Variants in BOLL observed in about 807,000 individuals in gnomAD.
BOLL encodes boule RNA binding protein, also known as protein boule-like.
A neutral mutation model predicts 44.4 loss-of-function variants in BOLL; 23 were observed. The observed-to-expected ratio is 0.52, with a 90% CI of 0.37 to 0.73. The LOEUF is 0.73. Ranked by LOEUF, BOLL falls within the 30% of genes least tolerant of loss-of-function variation. The pLI is 0.00. For synonymous variants in BOLL, 97 were observed against 110.8 expected (o/e 0.88, Z 0.78); for missense variants, 287 against 338.3 (o/e 0.85, Z 1.19).
At chr2:197,756,648 T>C (rs1007907466) in intron 8 of BOLL, 92 bp from the exon 9 acceptor site, 9 of 1,278,878 alleles carry the variant, frequency 7.0e-6, no homozygotes, top group African/African-American at 1.5e-5. Flanking sequence ...AAGTACTTGT[T>C]TTTTATTTTA....
chr2:197,756,633 G>A (rs1221285335), intron 8 of BOLL, 77 bp from the exon 9 acceptor site: 3 of 1,347,668 alleles, frequency 2.2e-6, no homozygotes, highest in Non-Finnish European at 3.0e-6. Context: ...GCCAACAGAT[G>A]AGAGAAGTAC....
intron 2 of BOLL, among the ~76,000 whole-genome samples, chr2:197,779,364 A>G (rs1021447599): frequency 3.3e-5 from 5 of 152,020 alleles, no homozygotes; most frequent in Non-Finnish European, 7.4e-5. Flanking sequence ...CTAGCTGGCC[A>G]GTTTTTAAAA....
In BOLL at chr2:197,728,536, A is replaced by C. The variant is rs74375706; in HGVS notation, c.*19T>G. On this transcript the variant is annotated 3_prime_UTR_variant, in exon 11 of 11. Coordinates refer to ENST00000392296, the MANE Select transcript of BOLL (RefSeq NM_033030.6). Reference sequence around the variant, plus strand: ...TGGACAAGAAATCAGTTGAGCTGGAATAGAGCTGCCCAATTGTCTTAATAA... The same window carrying C: ...TGGACAAGAAATCAGTTGAGCTGGACTAGAGCTGCCCAATTGTCTTAATAA... The C allele has an allele frequency of 1.5e-3, 2,411 of 1,614,080 alleles. 35 individuals are homozygous for C. The African/African-American group carries it at 0.024, about 16-fold the overall frequency.
At chr2:197,762,455 T>G (rs1345391783) in intron 7 of BOLL, among the ~76,000 whole-genome samples, 1 of 152,138 alleles carries the variant, frequency 6.6e-6, no homozygotes, top group Non-Finnish European at 1.5e-5. Context: ...CAGAATATAC[T>G]TTCTTTTCAT....
chr2:197,763,375 G>A (rs886750097), intron 7 of BOLL, among the ~76,000 whole-genome samples: 3 of 151,314 alleles, frequency 2.0e-5, no homozygotes, highest in Admixed American at 1.3e-4. Context: ...CCAGCTACTC[G>A]GAAGGCTGAG....
In BOLL at chr2:197,785,201, C is replaced by A. The variant is rs528152354; in HGVS notation, c.-161G>T. The A allele has an allele frequency of 1.0e-6, 1 of 985,958 alleles. No individual in the cohort carries two copies. Among genetic ancestry groups the A allele is most frequent in the African/African-American group, 1.7e-5 (1 of 57,370 alleles). 61.1% of individuals were successfully genotyped at this position (985,958 alleles called of 1,614,324 possible). A position where few individuals can be genotyped will look rare whatever the true frequency, so the allele number is the denominator to read the frequency against. On this transcript the variant is annotated 5_prime_UTR_variant, in exon 1 of 11. Coordinates refer to ENST00000392296, the MANE Select transcript of BOLL (RefSeq NM_033030.6). The surrounding 1 kb of genome is among the most constrained non-coding windows in gnomAD (Gnocchi z 6.7). Reference sequence around the variant, plus strand: ...GAAACGAGGATCCACCCCCTCCCCACCAAAGTGCGGGAGGGAAAAGAAGGC... The same window carrying A: ...GAAACGAGGATCCACCCCCTCCCCAACAAAGTGCGGGAGGGAAAAGAAGGC...
chr2:197,757,369 T>C lies in BOLL; in HGVS notation c.584A>G (p.Gln195Arg). The C allele has an allele frequency of 6.2e-7, 1 of 1,610,584 alleles. No homozygotes were observed. ...AACATTTACCTGAGGAACACTCCAC[T>C]GCCACTGTCCTGGTAAATACTGTGT... Reference protein sequence around the residue: ...ATTQYLPGQWQWSVPQPSASS... With the variant: ...ATTQYLPGQWRWSVPQPSASS... The change falls in exon 8 of 11, where the codon CAG (glutamine) becomes CGG (arginine). Residue 195 changes from glutamine to arginine, a missense_variant. Coordinates refer to ENST00000392296, the MANE Select transcript of BOLL (RefSeq NM_033030.6).
chr2:197,728,536 A>G lies in BOLL; in HGVS notation c.*19T>C, dbSNP rs74375706. On this transcript the variant is annotated 3_prime_UTR_variant, in exon 11 of 11. Coordinates refer to ENST00000392296, the MANE Select transcript of BOLL (RefSeq NM_033030.6). Reference sequence around the variant, plus strand: ...TGGACAAGAAATCAGTTGAGCTGGAATAGAGCTGCCCAATTGTCTTAATAA... The same window carrying G: ...TGGACAAGAAATCAGTTGAGCTGGAGTAGAGCTGCCCAATTGTCTTAATAA... 3 of 1,614,086 alleles carry G rather than the reference A, an allele frequency of 1.9e-6. No homozygotes were observed. The highest frequency in any genetic ancestry group is 2.2e-5 in the East Asian group (1 of 44,882).
chr2:197,770,362 C>T (rs1256789054), intron 6 of BOLL, among the ~76,000 whole-genome samples: 1 of 152,130 alleles, frequency 6.6e-6, no homozygotes, highest in Non-Finnish European at 1.5e-5. Flanking sequence ...AGATTAAAGA[C>T]TTCAAATGTT....
At chr2:197,783,652 C>G (rs1478016259) in intron 1 of BOLL, among the ~76,000 whole-genome samples, 1 of 152,198 alleles carries the variant, frequency 6.6e-6, no homozygotes, top group African/African-American at 2.4e-5. Context: ...ATGAAAGAAA[C>G]TGGGAATCTA....
At chr2:197,750,982 G>C (rs1031654954) in intron 9 of BOLL, among the ~76,000 whole-genome samples, 3 of 152,162 alleles carry the variant, frequency 2.0e-5, no homozygotes, top group African/African-American at 7.2e-5. Context: ...TAGAATGCAG[G>C]ATTAAGAAAC....
In BOLL at chr2:197,775,449, CT is replaced by C. The variant is rs540949403; in HGVS notation, c.352+215del. On this transcript the variant is annotated intron_variant, in intron 5 of 10. Coordinates refer to ENST00000392296, the MANE Select transcript of BOLL (RefSeq NM_033030.6). Reference sequence around the variant, plus strand: ...TAATGATGTAACTACATGGAATATACTTAAGCATCTTTATGTATATAAATTT... The same window carrying C: ...TAATGATGTAACTACATGGAATATACTAAGCATCTTTATGTATATAAATTT... Among the ~76,000 whole-genome samples the C allele has an allele frequency of 3.1e-4, 46 of 149,422 alleles. 1 individual carries two copies. Among genetic ancestry groups the C allele is most frequent in the Non-Finnish European group, 6.4e-4 (43 of 67,436 alleles).
At chr2:197,762,978 G>A (rs1688828266) in intron 7 of BOLL, among the ~76,000 whole-genome samples, 1 of 151,928 alleles carries the variant, frequency 6.6e-6, no homozygotes, top group Admixed American at 6.6e-5. Flanking sequence ...CAAACCATTA[G>A]CTAGTCTAAG....
intron 1 of BOLL, among the ~76,000 whole-genome samples, chr2:197,783,053 A>G (rs1030959876): frequency 1.3e-5 from 2 of 152,152 alleles, no homozygotes; most frequent in African/African-American, 4.8e-5. Context: ...AAACCAATTC[A>G]AGAACTGGTG....
chr2:197,742,389 C>G (rs1687784358), intron 10 of BOLL, among the ~76,000 whole-genome samples: 1 of 152,112 alleles, frequency 6.6e-6, no homozygotes, highest in Non-Finnish European at 1.5e-5. Context: ...GCACTATTCA[C>G]AATAGCAAAG....
chr2:197,765,341 A>T (rs904731307), intron 7 of BOLL, among the ~76,000 whole-genome samples: 2 of 148,778 alleles, frequency 1.3e-5, no homozygotes, highest in Non-Finnish European at 3.0e-5. Flanking sequence ...AATAAAAATT[A>T]AAAAAAAAAC....
chr2:197,757,246 A>G, intron 8 of BOLL, 107 bp downstream of exon 8: 1 of 882,684 alleles, frequency 1.1e-6, no homozygotes, highest in Non-Finnish European at 1.7e-6. Context: ...AAGTTAATAA[A>G]CAGAAGAAGA....
In BOLL at chr2:197,745,366, C is replaced by CTA. The variant is rs567073414; in HGVS notation, c.730-2209_730-2208dup. ...TTCATTAAGTTATATATTAGTCAGA[C>CTA]TATACCCTCTACTAGAAACAGTAGC... On this transcript the variant is annotated intron_variant, in intron 9 of 10. Coordinates refer to ENST00000392296, the MANE Select transcript of BOLL (RefSeq NM_033030.6). Among the ~76,000 whole-genome samples the CTA allele has an allele frequency of 5.3e-5, 8 of 152,142 alleles. No individual in the cohort carries two copies. In the South Asian group the frequency reaches 1.5e-3, roughly 28 times the overall value.
chr2:197,770,666 C>T (rs1689204236), intron 6 of BOLL, among the ~76,000 whole-genome samples: 1 of 152,078 alleles, frequency 6.6e-6, no homozygotes, highest in African/African-American at 2.4e-5. Context: ...AATCAAACAA[C>T]CCCATCAAAA....
Sources: allele counts gnomAD v4.1 joint callset (sites outside exome capture counted in the v4.1 genomes callset), GRCh38; gene constraint gnomAD v4.1.1; non-coding constraint Gnocchi (gnomAD v3.1); transcripts MANE v1.5; gene names NCBI Gene and HGNC (gene_info 2026-07-23, HGNC 2026-07-21).